Variants in C4orf50 observed in about 807,000 individuals in gnomAD.
The protein encoded by C4orf50 is chromosome 4 open reading frame 50, also known as uncharacterized protein C4orf50.
C4orf50 carries 80 observed loss-of-function variants against 77.2 expected under a neutral mutation model. The ratio of observed to expected loss-of-function variants is 1.04; its 90% CI spans 0.87 to 1.25. C4orf50 has a LOEUF of 1.25. Ranked by LOEUF, C4orf50 falls within the 50% of genes most tolerant of loss-of-function variation. The pLI is 0.00. For synonymous variants in C4orf50, 532 were observed against 465.3 expected (o/e 1.14, Z -1.84); for missense variants, 1,257 against 1,152.9 (o/e 1.09, Z -1.31).
At chr4:5,912,890 G>A (rs969144133) in intron 7 of C4orf50, among the ~76,000 whole-genome samples, 1 of 152,198 alleles carries the variant, frequency 6.6e-6, no homozygotes, top group Admixed American at 6.5e-5. Flanking sequence ...ATGACATGTG[G>A]CAGGGGAAAT....
chr4:5,962,049 C>T (rs4519747), intron 33 of C4orf50, among the ~76,000 whole-genome samples: 100,382 of 152,000 alleles, frequency 0.66, 33,948 homozygotes, highest in African/African-American at 0.73. Context: ...TTCCCAAATG[C>T]TCATGACGAC....
intron 29 of C4orf50, among the ~76,000 whole-genome samples, chr4:5,979,521 G>C (rs749797149): frequency 6.6e-6 from 1 of 152,190 alleles, no homozygotes; most frequent in Non-Finnish European, 1.5e-5. Context: ...AAAAAATATT[G>C]GAAGTCAGAA....
chr4:5,925,185 C>A (rs550499754), intron 7 of C4orf50, among the ~76,000 whole-genome samples: 2 of 151,880 alleles, frequency 1.3e-5, no homozygotes, highest in Admixed American at 1.3e-4. Flanking sequence ...AAGGGACCAG[C>A]TGATGGAGGG....
chr4:5,959,587 A>G (rs769136284), exon 34 of C4orf50: 2 of 1,614,180 alleles, frequency 1.2e-6, no homozygotes, highest in Non-Finnish European at 1.7e-6. Flanking sequence ...GCTGCCAGGC[A>G]CGTTCCAGGA....
intron 7 of C4orf50, among the ~76,000 whole-genome samples, chr4:5,944,463 G>T (rs1718398257): frequency 6.6e-6 from 1 of 152,190 alleles, no homozygotes; most frequent in Non-Finnish European, 1.5e-5. Flanking sequence ...AATGATCGAT[G>T]AGACAAATAG....
At chr4:5,955,559 C>T (rs1718918119), downstream of C4orf50, among the ~76,000 whole-genome samples, 1 of 152,226 alleles carries the variant, frequency 6.6e-6, no homozygotes, top group Non-Finnish European at 1.5e-5. The surrounding 1 kb of genome is among the most constrained non-coding windows in gnomAD (Gnocchi z 5.1). Context: ...AGAGGGCCCA[C>T]AGCTGCCGCG....
At chr4:5,897,684 C>T (rs1302014271) in exon 8 of C4orf50, 2 of 152,182 alleles carry the variant, frequency 1.3e-5, no homozygotes, top group Non-Finnish European at 2.9e-5. Context: ...AAAAATACAT[C>T]TCAGTAACAA....
rs1046143231 is a variant in C4orf50 at position 5,914,265 on chromosome 4, C to T, written c.*2475-16077G>A. Among the ~76,000 whole-genome samples the T allele has an allele frequency of 3.4e-3, 436 of 128,490 alleles. 1 individual carries two copies. The highest frequency in any genetic ancestry group is 0.012 in the African/African-American group (396 of 32,532). 84.3% of individuals were successfully genotyped at this position (128,490 alleles called of 152,430 possible). A position where few individuals can be genotyped will look rare whatever the true frequency, so the allele number is the denominator to read the frequency against. ...TGTCGCCCAGGCTGGAGGGCAGTGGCGCAATCTCGGCTCACTGCAACCTCT... is the reference window on the plus strand; with the variant it reads ...TGTCGCCCAGGCTGGAGGGCAGTGGTGCAATCTCGGCTCACTGCAACCTCT... On this transcript the variant is annotated intron_variant, in intron 7 of 7. Coordinates refer to the C4orf50 transcript ENST00000324058.
chr4:5,915,148 T>C (rs1716977739), intron 7 of C4orf50, among the ~76,000 whole-genome samples: 1 of 152,188 alleles, frequency 6.6e-6, no homozygotes, highest in South Asian at 2.1e-4. Context: ...TTCTAGACTG[T>C]AAATCTAGTT....
intron 33 of C4orf50, among the ~76,000 whole-genome samples, chr4:5,962,613 C>T (rs887600376): frequency 1.3e-5 from 2 of 152,210 alleles, no homozygotes; most frequent in African/African-American, 4.8e-5. Flanking sequence ...CATCTGGCCA[C>T]ATAATGATCA....
At chr4:5,973,305 A>G (rs10937698) in intron 31 of C4orf50, among the ~76,000 whole-genome samples, 71,667 of 152,160 alleles carry the variant, frequency 0.47, 17,181 homozygotes, top group East Asian at 0.71. Flanking sequence ...TGGGGTGACC[A>G]AAGCAGCCTG....
At chr4:5,937,441 A>T (rs929619491) in intron 7 of C4orf50, among the ~76,000 whole-genome samples, 1 of 152,170 alleles carries the variant, frequency 6.6e-6, no homozygotes, top group African/African-American at 2.4e-5. Flanking sequence ...AATAAAGAAA[A>T]CTTAATCAGT....
chr4:6,010,446 TTC>T (rs1163597511), intron 24 of C4orf50, among the ~76,000 whole-genome samples: 1 of 152,230 alleles, frequency 6.6e-6, no homozygotes, highest in African/African-American at 2.4e-5. Flanking sequence ...TTTCCAGCTT[TTC>T]TGAGTTTCCC....
At chr4:5,952,549 G>A (rs561540269), downstream of C4orf50, among the ~76,000 whole-genome samples, 59 of 152,296 alleles carry the variant, frequency 3.9e-4, no homozygotes, top group Middle Eastern at 3.4e-3. This position sits in a 1 kb window ranked among gnomAD's most constrained non-coding sequence, Gnocchi z 4.4. Flanking sequence ...ACCTGGCTGC[G>A]GGTGGAAGGT....
chr4:5,978,615 G>A (rs962387879), intron 29 of C4orf50, among the ~76,000 whole-genome samples: 3 of 152,196 alleles, frequency 2.0e-5, no homozygotes, highest in South Asian at 2.1e-4. Context: ...TTGAAGACAC[G>A]GTGAACGAGA....
chr4:5,955,732 A>T (rs1486433705), downstream of C4orf50, among the ~76,000 whole-genome samples: 1 of 152,052 alleles, frequency 6.6e-6, no homozygotes, highest in African/African-American at 2.4e-5. The surrounding 1 kb of genome is among the most constrained non-coding windows in gnomAD (Gnocchi z 5.1). Context: ...GCTTGTGAGC[A>T]CCTGCAGATG....
chr4:5,953,997 A>G (rs569035807), downstream of C4orf50, among the ~76,000 whole-genome samples: 27 of 152,308 alleles, frequency 1.8e-4, no homozygotes, highest in South Asian at 5.4e-3. Context: ...TTAGGACACA[A>G]CCTGAACAAC....
rs577234462 is a variant in C4orf50, at chr4:6,015,438, G to A, written c.287+2707C>T. ...CGACCCCCCGAGCTTGGGCTTTTGGGATCCAGAAATGTGAGAAAATAAGTT... is the reference window on the plus strand; with the variant it reads ...CGACCCCCCGAGCTTGGGCTTTTGGAATCCAGAAATGTGAGAAAATAAGTT... On this transcript the variant is annotated intron_variant, in intron 23 of 33. Coordinates refer to ENST00000531445, the Ensembl canonical transcript of C4orf50. This position sits in a 1 kb window ranked among gnomAD's most constrained non-coding sequence, Gnocchi z 4.4. Among the ~76,000 whole-genome samples, 1 of 152,064 alleles carries A rather than the reference G, an allele frequency of 6.6e-6. No homozygotes were observed. The highest frequency in any genetic ancestry group is 2.4e-5 in the African/African-American group (1 of 41,396).
At chr4:5,944,111 G>C (rs1004115709) in intron 7 of C4orf50, among the ~76,000 whole-genome samples, 2 of 152,210 alleles carry the variant, frequency 1.3e-5, no homozygotes, top group Non-Finnish European at 2.9e-5. Context: ...CCCTGGCGAG[G>C]AAGTCACAAT....
Sources: gnomAD v4.1 joint callset for allele counts (sites outside exome capture counted in the v4.1 genomes callset) on GRCh38, gnomAD v4.1.1 for gene constraint, Gnocchi (gnomAD v3.1) non-coding constraint, MANE v1.5 for transcripts, NCBI Gene and HGNC (gene_info 2026-07-23, HGNC 2026-07-21) for gene names.